ENOX2: variants seen among roughly 807,000 people sequenced by gnomAD.
ENOX2 encodes the protein APK1 antigen.
A neutral mutation model predicts 45.0 loss-of-function variants in ENOX2; 36 were observed. The observed-to-expected ratio is 0.80, with a 90% confidence interval of 0.61 to 1.06. The LOEUF (loss-of-function observed/expected upper bound fraction) is 1.06, where lower values mean the gene tolerates loss of function less well. Among genes scored for constraint, ENOX2 ranks in the 50% least tolerant of loss-of-function variants. The pLI, the probability that ENOX2 is intolerant of heterozygous loss-of-function variation, is 0.00. For missense variants in ENOX2, 423 were observed against 462.5 expected (o/e 0.91, Z 0.78); for synonymous variants, 174 against 152.3 (o/e 1.14, Z -1.05).
intron 2 of ENOX2, among the ~76,000 whole-genome samples, chrX:130,859,498 T>C (rs770155443): frequency 1.4e-4 from 16 of 112,551 alleles, no homozygotes; most frequent in African/African-American, 3.9e-4. Context: ...CTGAATGAGA[T>C]AGTACCTGAA....
At chrX:130,763,985 CTTTTA>C (rs1400635680) in intron 3 of ENOX2, among the ~76,000 whole-genome samples, 2 of 110,459 alleles carry the variant, frequency 1.8e-5, no homozygotes, top group African/African-American at 6.6e-5. Context: ...TTTGTTGGGG[CTTTTA>C]TTTTGTCTGT....
At chrX:130,818,294 G>A (rs1175877507) in intron 2 of ENOX2, among the ~76,000 whole-genome samples, 1 of 111,629 alleles carries the variant, frequency 9.0e-6, no homozygotes, top group South Asian at 3.8e-4. Flanking sequence ...TGGATAGGAG[G>A]AATCAATATC....
chrX:130,850,511 T>C (rs760610526), intron 2 of ENOX2, among the ~76,000 whole-genome samples: 10 of 112,067 alleles, frequency 8.9e-5, no homozygotes, highest in Non-Finnish European at 1.9e-4. Context: ...TCTCCATTAT[T>C]CATTCTATTA....
intron 6 of ENOX2, among the ~76,000 whole-genome samples, 178 bp downstream of exon 6, chrX:130,679,364 A>T (rs2037238390): frequency 8.9e-6 from 1 of 111,778 alleles, no homozygotes; most frequent in African/African-American, 3.3e-5. Context: ...CCCATAGACA[A>T]CTGGGAGCTA....
intron 4 of ENOX2, among the ~76,000 whole-genome samples, chrX:130,689,405 A>C (rs890055097): frequency 8.9e-6 from 1 of 111,750 alleles, no homozygotes; most frequent in Admixed American, 9.5e-5. Context: ...TATTAAGAGC[A>C]CAGAGTTTTG....
intron 10 of ENOX2, among the ~76,000 whole-genome samples, chrX:130,651,561 C>T (rs928148949): frequency 8.9e-6 from 1 of 111,866 alleles, no homozygotes; most frequent in African/African-American, 3.3e-5. Context: ...TCCACTCTCT[C>T]TTATCCTGGG....
intron 3 of ENOX2, among the ~76,000 whole-genome samples, chrX:130,737,360 T>TG (rs1202510669): frequency 8.9e-6 from 1 of 112,389 alleles, no homozygotes; most frequent in African/African-American, 3.2e-5. Context: ...ATGGTGCAGT[T>TG]TCTTAAAGCA....
intron 9 of ENOX2, among the ~76,000 whole-genome samples, chrX:130,659,104 A>G (rs776268306): frequency 1.8e-5 from 2 of 112,375 alleles, no homozygotes; most frequent in South Asian, 7.4e-4. Flanking sequence ...TGCTTGGATT[A>G]GCCTGTACTG....
At position 130,853,712 on chromosome X, in the gene ENOX2, G is replaced by GT. The variant is rs746206345; in HGVS notation, c.-183+47971dup. Among the ~76,000 whole-genome samples the GT allele has an allele frequency of 1.1e-3, 124 of 110,038 alleles. 2 individuals are homozygous for GT. Among genetic ancestry groups the GT allele is most frequent in the Middle Eastern group, 4.7e-3 (1 of 215 alleles). ...CAAAGAAGGCCAAGTAGAGAGCTGGGTTTTTTTAAATCCCCAATCAGCAAT... is the reference window on the plus strand; with the variant it reads ...CAAAGAAGGCCAAGTAGAGAGCTGGGTTTTTTTTAAATCCCCAATCAGCAAT... On this transcript the variant is annotated intron_variant, in intron 2 of 14. Coordinates refer to ENST00000394363, the MANE Select transcript of ENOX2 (RefSeq NM_006375.4).
At chrX:130,877,481 C>T (rs968765005) in intron 2 of ENOX2, among the ~76,000 whole-genome samples, 4 of 112,109 alleles carry the variant, frequency 3.6e-5, no homozygotes, top group African/African-American at 1.3e-4. Flanking sequence ...TTACAAGTTG[C>T]TTCCAAAGCT....
chrX:130,819,367 AT>A (rs1379647146), intron 2 of ENOX2, among the ~76,000 whole-genome samples: 2 of 111,888 alleles, frequency 1.8e-5, no homozygotes, highest in African/African-American at 6.5e-5. Context: ...CGGCAATCTC[AT>A]TACTGGGTAT....
chrX:130,707,214 G>A (rs1324749038), intron 3 of ENOX2, among the ~76,000 whole-genome samples: 2 of 111,690 alleles, frequency 1.8e-5, no homozygotes, highest in Non-Finnish European at 3.8e-5. Flanking sequence ...CAAGTCTGAA[G>A]AACATGTCTT....
At chrX:130,777,026 G>A (rs2039872177) in intron 3 of ENOX2, among the ~76,000 whole-genome samples, 1 of 111,932 alleles carries the variant, frequency 8.9e-6, no homozygotes, top group Non-Finnish European at 1.9e-5. Flanking sequence ...AGAGAAGTTA[G>A]CATTTCCAGG....
chrX:130,820,644 C>A (rs757317034), intron 2 of ENOX2, among the ~76,000 whole-genome samples: 4 of 112,488 alleles, frequency 3.6e-5, no homozygotes, highest in Non-Finnish European at 7.5e-5. Flanking sequence ...GGAAAGAAAT[C>A]TTGTCATTTG....
chrX:130,896,177 G>C (rs137937787), intron 2 of ENOX2, among the ~76,000 whole-genome samples: 37 of 111,704 alleles, frequency 3.3e-4, no homozygotes, highest in African/African-American at 1.2e-3. Context: ...CTACAGCAGA[G>C]ACAGAAACCC....
chrX:130,744,916 T>C (rs762277609), intron 3 of ENOX2, among the ~76,000 whole-genome samples: 1 of 111,406 alleles, frequency 9.0e-6, no homozygotes, highest in East Asian at 2.8e-4. Flanking sequence ...TAGATTCTCA[T>C]AGCAGTGCGA....
At chrX:130,810,524 C>T (rs1277613670) in intron 2 of ENOX2, among the ~76,000 whole-genome samples, 5 of 112,114 alleles carry the variant, frequency 4.5e-5, no homozygotes, top group Non-Finnish European at 7.5e-5. Context: ...CCTGAAGCCT[C>T]AGACTCCAGG....
intron 3 of ENOX2, among the ~76,000 whole-genome samples, chrX:130,722,123 G>C (rs2038494750): frequency 8.9e-6 from 1 of 111,804 alleles, no homozygotes; most frequent in South Asian, 3.8e-4. Context: ...CTCACAACAG[G>C]GTTGGTCAAA....
chrX:130,807,735 T>A (rs1054370588), intron 2 of ENOX2, among the ~76,000 whole-genome samples: 5 of 111,926 alleles, frequency 4.5e-5, no homozygotes, highest in Non-Finnish European at 9.4e-5. Flanking sequence ...CAATAGGTTG[T>A]GTTATGGTTA....
Sources: gnomAD v4.1 joint callset for allele counts (sites outside exome capture counted in the v4.1 genomes callset) on GRCh38, gnomAD v4.1.1 for gene constraint, MANE v1.5 for transcripts, NCBI Gene and HGNC (gene_info 2026-07-23, HGNC 2026-07-21) for gene names.